Variants in DENND1A observed in about 807,000 individuals in gnomAD.
The protein encoded by DENND1A is DENN domain-containing protein 1A.
A neutral mutation model predicts 113.7 loss-of-function variants in DENND1A; 51 were observed. The observed-to-expected ratio is 0.45, with a 90% CI of 0.36 to 0.57. The LOEUF is 0.57. DENND1A is among the 20% of genes least tolerant of loss of function. The pLI is 0.00. For synonymous variants in DENND1A, 565 were observed against 570.8 expected, an observed-to-expected ratio of 0.99 and a Z score of 0.14; for missense variants, 1,258 against 1,395.9, an observed-to-expected ratio of 0.90 and a Z score of 1.57.
In DENND1A at chr9:123,458,290, C is replaced by T. The variant is rs148384477; in HGVS notation, c.994-393G>A. On this transcript the variant is annotated intron_variant, in intron 13 of 23. Transcript: ENST00000394215. ...TGCTGGGATTACAGGTGTGAGCCACCGTGCCTGGCCCCCATCTGCTAACTT... is the reference window on the plus strand; with the variant it reads ...TGCTGGGATTACAGGTGTGAGCCACTGTGCCTGGCCCCCATCTGCTAACTT... Among the ~76,000 whole-genome samples the T allele has an allele frequency of 4.5e-3, 678 of 152,166 alleles. 4 individuals carry two copies. Among genetic ancestry groups the T allele is most frequent in the African/African-American group, 0.015 (642 of 41,502 alleles).
chr9:123,859,877 G>C (rs1844810622), intron 2 of DENND1A, among the ~76,000 whole-genome samples: 1 of 152,188 alleles, frequency 6.6e-6, no homozygotes, highest in African/African-American at 2.4e-5. Flanking sequence ...GCTGGATAGG[G>C]AAAGGATGGA....
chr9:123,843,849 T>C (rs1472149234), intron 2 of DENND1A, among the ~76,000 whole-genome samples: 2 of 152,198 alleles, frequency 1.3e-5, no homozygotes, highest in African/African-American at 4.8e-5. Flanking sequence ...GGAGATTGTA[T>C]CTTCTAGTTA....
chr9:123,671,407 G>C, intron 6 of DENND1A, 36 bp from the exon 7 acceptor site: 1 of 1,608,106 alleles, frequency 6.2e-7, no homozygotes, highest in Non-Finnish European at 8.5e-7. Flanking sequence ...ACAAAAGCAA[G>C]GCTGAGCCCT....
chr9:123,892,065 T>C (rs558168195), intron 1 of DENND1A, among the ~76,000 whole-genome samples: 8 of 152,074 alleles, frequency 5.3e-5, no homozygotes, highest in Non-Finnish European at 1.0e-4. Context: ...TGAAGAGAGC[T>C]GCACAGAGAA....
At chr9:123,847,460 A>G (rs916428991) in intron 2 of DENND1A, among the ~76,000 whole-genome samples, 1 of 152,220 alleles carries the variant, frequency 6.6e-6, no homozygotes, top group African/African-American at 2.4e-5. Context: ...TTATAATGGA[A>G]AGGGACTTCA....
intron 13 of DENND1A, among the ~76,000 whole-genome samples, chr9:123,553,404 C>CT (rs1349517330): frequency 1.3e-5 from 2 of 151,340 alleles, no homozygotes; most frequent in South Asian, 2.1e-4. Context: ...AAAGCCGCCC[C>CT]CCCCCCGCTC....
intron 13 of DENND1A, among the ~76,000 whole-genome samples, chr9:123,517,546 G>A (rs1289289363): frequency 7.9e-5 from 12 of 151,790 alleles, no homozygotes; most frequent in Admixed American, 7.9e-4. Context: ...TTGAACCCAG[G>A]AGGGGGAGGT....
intron 22 of DENND1A, among the ~76,000 whole-genome samples, chr9:123,387,223 A>G (rs533298293): frequency 1.3e-5 from 2 of 152,366 alleles, no homozygotes; most frequent in African/African-American, 4.8e-5. Flanking sequence ...TGTAATTGGT[A>G]TGAGGCTTAG....
At chr9:123,568,275 G>GATACTTGCATCTAGATCTGGAT (rs1279136116) in intron 12 of DENND1A, among the ~76,000 whole-genome samples, 1 of 152,180 alleles carries the variant, frequency 6.6e-6, no homozygotes, top group Non-Finnish European at 1.5e-5. Context: ...GATGCCTCTA[G>GATACTTGCATCTAGATCTGGAT]GCAAGTTACT....
intron 13 of DENND1A, among the ~76,000 whole-genome samples, chr9:123,483,195 G>C (rs1038292220): frequency 6.6e-6 from 1 of 152,182 alleles, no homozygotes; most frequent in Non-Finnish European, 1.5e-5. Flanking sequence ...TGAGTGCTTT[G>C]GAGAGGCAAG....
chr9:123,684,732 A>G (rs553825573), intron 5 of DENND1A, among the ~76,000 whole-genome samples: 5 of 152,312 alleles, frequency 3.3e-5, no homozygotes, highest in African/African-American at 1.2e-4. Flanking sequence ...CATTTTTCAA[A>G]TGTTCCATCA....
chr9:123,572,196 T>A (rs1163836206), intron 12 of DENND1A, among the ~76,000 whole-genome samples: 1 of 152,224 alleles, frequency 6.6e-6, no homozygotes, highest in African/African-American at 2.4e-5. Context: ...GTTTTGCCTG[T>A]TCCAGAATAC....
chr9:123,392,194 G>A (rs1043474505), intron 21 of DENND1A, among the ~76,000 whole-genome samples: 3 of 152,160 alleles, frequency 2.0e-5, no homozygotes, highest in East Asian at 1.9e-4. Context: ...CGCCGGGATC[G>A]CACCGGCTTA....
chr9:123,401,315 T>C (rs969590373), intron 21 of DENND1A: 3 of 189,944 alleles, frequency 1.6e-5, no homozygotes, highest in Admixed American at 6.2e-5. Flanking sequence ...TGTTGTGACA[T>C]GGCATTTGGA....
intron 11 of DENND1A, among the ~76,000 whole-genome samples, chr9:123,596,872 C>T (rs1298115329): frequency 1.3e-5 from 2 of 152,218 alleles, no homozygotes; most frequent in African/African-American, 4.8e-5. Context: ...CCTCTCTGTG[C>T]CTATATTTCA....
chr9:123,512,878 G>C (rs1422564104), intron 13 of DENND1A, among the ~76,000 whole-genome samples: 1 of 152,200 alleles, frequency 6.6e-6, no homozygotes, highest in Non-Finnish European at 1.5e-5. Context: ...GTGCCCTTAA[G>C]GGCTGCTGTG....
At chr9:123,550,287 C>G (rs766508356) in intron 13 of DENND1A, among the ~76,000 whole-genome samples, 1 of 152,214 alleles carries the variant, frequency 6.6e-6, no homozygotes, top group Non-Finnish European at 1.5e-5. Context: ...CTGCCCCCAC[C>G]CAGCATTCGC....
chr9:123,624,114 G>A (rs921878620), intron 10 of DENND1A, among the ~76,000 whole-genome samples: 4 of 152,190 alleles, frequency 2.6e-5, no homozygotes, highest in African/African-American at 9.7e-5. Context: ...TAAATTGAGA[G>A]TTCATTTCTA....
At chr9:123,653,065 A>C (rs916888349) in intron 8 of DENND1A, among the ~76,000 whole-genome samples, 1 of 152,234 alleles carries the variant, frequency 6.6e-6, no homozygotes, top group African/African-American at 2.4e-5. Context: ...TGCTATTGCC[A>C]GGCGTTGCAG....
Sources: gnomAD v4.1 joint callset for allele counts (sites outside exome capture counted in the v4.1 genomes callset) on GRCh38, gnomAD v4.1.1 for gene constraint, MANE v1.5 for transcripts, NCBI Gene and HGNC (gene_info 2026-07-23, HGNC 2026-07-21) for gene names.